Variants in KYAT1 observed in about 807,000 individuals in gnomAD.
KYAT1 encodes the protein kynurenine--oxoglutarate transaminase 1.
In KYAT1, 47 loss-of-function variants were observed where a neutral mutation model predicts 52.4. The observed-to-expected ratio is 0.90, with a 90% CI of 0.71 to 1.14. KYAT1 has a LOEUF of 1.14. Among genes scored for constraint, KYAT1 ranks in the 50% most tolerant of loss-of-function variants. The pLI is 0.00. For synonymous variants in KYAT1, 212 were observed against 209.6 expected, an observed-to-expected ratio of 1.01 and a Z score of -0.10; for missense variants, 480 against 557.9, an observed-to-expected ratio of 0.86 and a Z score of 1.41.
intron 3 of KYAT1, among the ~76,000 whole-genome samples, chr9:128,841,242 C>T (rs151005527): frequency 3.3e-5 from 5 of 152,312 alleles, no homozygotes; most frequent in Admixed American, 6.5e-5. Flanking sequence ...CGGTGGCTCA[C>T]GCCTGTAATC....
intron 1 of KYAT1, among the ~76,000 whole-genome samples, chr9:128,876,909 AT>A (rs200336804): frequency 0.056 from 8,301 of 146,954 alleles, 274 homozygotes; most frequent in African/African-American, 0.099. Context: ...TTTTATTTTT[AT>A]TTTTTTGAGA....
intron 3 of KYAT1, among the ~76,000 whole-genome samples, chr9:128,841,372 G>A (rs150140205): frequency 2.4e-3 from 363 of 152,094 alleles, no homozygotes; most frequent in African/African-American, 8.3e-3. Flanking sequence ...GCATGGTGGC[G>A]GGCGCCTGTA....
At chr9:128,877,546 G>A (rs78733819) in intron 1 of KYAT1, among the ~76,000 whole-genome samples, 10 of 152,272 alleles carry the variant, frequency 6.6e-5, no homozygotes, top group East Asian at 5.8e-4. Context: ...ATTCTGTCCC[G>A]TGAAATCTCC....
At chr9:128,836,712 T>C in intron 7 of KYAT1, 90 bp downstream of exon 7, 1 of 1,465,362 alleles carries the variant, frequency 6.8e-7, no homozygotes, top group Non-Finnish European at 9.3e-7. Flanking sequence ...AACCCTGGGT[T>C]CTAACTACCA....
rs192155582 is a variant in KYAT1 at position 128,865,458 on chromosome 9, G to T, written c.-7+16439C>A. Among the ~76,000 whole-genome samples, 100 of 145,100 alleles carry T rather than the reference G, an allele frequency of 6.9e-4. No individual in the cohort carries two copies. In the East Asian group the frequency reaches 0.016, roughly 24 times the overall value. On this transcript the variant is annotated intron_variant, in intron 1 of 12. Transcript: ENST00000302586. The stretch of plus-strand genomic sequence containing the variant: ...GCTCACTGCAACCTCTGCCTCCCGG[G>T]TTCAAGCGATTCTCGTGCCTCAGCC...
At chr9:128,864,344 C>T (rs1158579118) in intron 1 of KYAT1, among the ~76,000 whole-genome samples, 3 of 123,520 alleles carry the variant, frequency 2.4e-5, no homozygotes, top group African/African-American at 6.1e-5. Context: ...CCAGCCTGGG[C>T]GACAGAGCGA....
At chr9:128,853,629 C>T (rs545690232) in intron 1 of KYAT1, among the ~76,000 whole-genome samples, 32 of 152,236 alleles carry the variant, frequency 2.1e-4, no homozygotes, top group African/African-American at 7.5e-4. Flanking sequence ...TACTCATATT[C>T]GAACACATAC....
chr9:128,833,393 G>T lies in KYAT1; in HGVS notation c.*191C>A. On this transcript the variant is annotated 3_prime_UTR_variant, in exon 13 of 13. Transcript: ENST00000302586. Reference sequence around the variant, plus strand: ...CAGGTCAGGCCACCCTCACCTTTCAGACAGGAGGCACTTGGTTCTCTAAGA... The same window carrying T: ...CAGGTCAGGCCACCCTCACCTTTCATACAGGAGGCACTTGGTTCTCTAAGA... The T allele has an allele frequency of 3.1e-6, 2 of 653,086 alleles. No individual in the cohort carries two copies. Among genetic ancestry groups the T allele is most frequent in the Non-Finnish European group, 5.3e-6 (2 of 374,466 alleles). 40.5% of individuals were successfully genotyped at this position (653,086 alleles called of 1,614,324 possible).
chr9:128,842,797 C>T lies in KYAT1; in HGVS notation c.58G>A (p.Glu20Lys). ...LDGIDYNPWV[E>K]FVKLASEHDV... ...TGCTCACTGGCCAGTTTCACAAACT[C>T]CACCCTGGGTAACAAATGGAGAATC... is the stretch of plus-strand genomic sequence containing the variant. The change falls in exon 3 of 13, where the codon GAG (glutamate) becomes AAG (lysine). Residue 20 changes from glutamate (E) to lysine (K), a missense_variant. Glu to Lys is a moderately conservative substitution (Grantham distance 56). Transcript: ENST00000302586. 6.2e-7 allele frequency: 1 copy of T among 1,613,224 alleles called. No individual in the cohort carries two copies. The highest frequency in any genetic ancestry group is 1.7e-4 in the Middle Eastern group (1 of 5,974).
intron 1 of KYAT1, among the ~76,000 whole-genome samples, chr9:128,852,673 G>C (rs1489051173): frequency 1.3e-5 from 2 of 152,002 alleles, no homozygotes; most frequent in Non-Finnish European, 2.9e-5. Context: ...TGCAGGTAGA[G>C]GAAAGGAAAA....
Position 128,835,794 on chromosome 9 carries a change from G to A in KYAT1, c.840C>T (p.Cys280=), listed in dbSNP as rs767811954. The A allele has an allele frequency of 6.2e-7, 1 of 1,613,214 alleles. No individual in the cohort carries two copies. Among genetic ancestry groups the A allele is most frequent in the Non-Finnish European group, 8.5e-7 (1 of 1,179,588 alleles). ...RTVHQNSVFH[C]PTQSQAAVAE... ...CCCTCTTCACCTGGCTCTGCGTGGGGCAGTGGAAGACGGAGTTCTGGTGCA... is the reference window on the plus strand; with the variant it reads ...CCCTCTTCACCTGGCTCTGCGTGGGACAGTGGAAGACGGAGTTCTGGTGCA... Residue 280 remains cysteine, a synonymous_variant, in exon 9 of 13, where the codon TGC becomes TGT. Transcript: ENST00000302586.
chr9:128,858,395 TAA>T (rs59939090), intron 1 of KYAT1, among the ~76,000 whole-genome samples: 6 of 65,102 alleles, frequency 9.2e-5, no homozygotes, highest in African/African-American at 2.5e-4. Flanking sequence ...AGACCATGTA[TAA>T]AAAAAAAAAA....
At chr9:128,835,244 G>A (rs1057346887) in intron 11 of KYAT1, 79 bp downstream of exon 11, 22 of 1,145,872 alleles carry the variant, frequency 1.9e-5, no homozygotes, top group Non-Finnish European at 2.6e-5. Flanking sequence ...TCTAGCCCAG[G>A]AGCCTCTTGC....
chr9:128,878,753 C>G (rs941960), intron 1 of KYAT1, among the ~76,000 whole-genome samples: 95,163 of 151,964 alleles, frequency 0.63, 31,622 homozygotes, highest in Admixed American at 0.75. Context: ...ACCTGAGTGA[C>G]ACAAACAGTA....
At chr9:128,839,138 A>G (rs545442141) in intron 3 of KYAT1, among the ~76,000 whole-genome samples, 139 of 151,690 alleles carry the variant, frequency 9.2e-4, no homozygotes, top group African/African-American at 3.1e-3. Flanking sequence ...TAATTTTTGT[A>G]TTTTTAGTGG....
intron 1 of KYAT1, chr9:128,860,494 G>T (rs1835306683): frequency 1.3e-5 from 2 of 152,076 alleles, no homozygotes; most frequent in South Asian, 4.2e-4. Context: ...CCAGTTTGGG[G>T]GCAGCAGGTT....
At chr9:128,881,239 C>T (rs1449452483) in intron 1 of KYAT1, among the ~76,000 whole-genome samples, 1 of 152,144 alleles carries the variant, frequency 6.6e-6, no homozygotes, top group Non-Finnish European at 1.5e-5. Context: ...CACCACCACG[C>T]CCGGCTGATT....
rs1832960690 is a variant in KYAT1, at chr9:128,845,551, A to T, written c.-6-140T>A. 5.2e-6 allele frequency: 4 copies of T among 762,500 alleles called. No homozygotes were observed. The East Asian group carries it at 1.1e-4, about 21-fold the overall frequency. 47.2% of individuals were successfully genotyped at this position (762,500 alleles called of 1,614,324 possible). ...AGGAGGGGGAAGAGATAGAGTTTGC[A>T]GAAGGGCAGGTTTCTGCCTGCCTCC... On this transcript the variant is annotated intron_variant, in intron 1 of 12. Transcript: ENST00000302586.
chr9:128,856,714 C>T (rs537037236), intron 1 of KYAT1, among the ~76,000 whole-genome samples: 8 of 152,216 alleles, frequency 5.3e-5, no homozygotes, highest in East Asian at 1.9e-4. Flanking sequence ...TAAAAGTCAT[C>T]GCCATTCTCT....
Sources: gnomAD v4.1 joint callset for allele counts (sites outside exome capture counted in the v4.1 genomes callset) on GRCh38, gnomAD v4.1.1 for gene constraint, MANE v1.5 for transcripts, NCBI Gene and HGNC (gene_info 2026-07-23, HGNC 2026-07-21) for gene names.